Variants in OTUD7A observed in about 807,000 individuals in gnomAD.
The protein encoded by OTUD7A is OTU deubiquitinase 7A, also known as OTU domain-containing protein 7A.
Under a neutral mutation model 65.7 loss-of-function variants are expected in OTUD7A, and 12 were observed. The ratio of observed to expected loss-of-function variants is 0.18; its 90% CI spans 0.12 to 0.30. The LOEUF is 0.30. Among genes scored for constraint, OTUD7A ranks in the 10% least tolerant of loss-of-function variants. OTUD7A has a pLI of 1.00. For synonymous variants in OTUD7A, 641 were observed against 586.3 expected (o/e 1.09, Z -1.35); for missense variants, 1,148 against 1,304.8 (o/e 0.88, Z 1.85).
At chr15:31,703,049 G>T (rs142069854) in intron 1 of OTUD7A, among the ~76,000 whole-genome samples, 2,022 of 152,066 alleles carry the variant, frequency 0.013, 52 homozygotes, top group African/African-American at 0.046. Context: ...AAAAAAGAAA[G>T]AAAGAAAGAA....
chr15:31,678,925 A>G (rs1395308410), intron 1 of OTUD7A, among the ~76,000 whole-genome samples: 1 of 152,230 alleles, frequency 6.6e-6, no homozygotes, highest in African/African-American at 2.4e-5. Context: ...GAAAAGTCGC[A>G]GACACTCAAC....
chr15:31,832,848 T>C (rs747068549), intron 1 of OTUD7A, among the ~76,000 whole-genome samples: 1 of 152,218 alleles, frequency 6.6e-6, no homozygotes, highest in Non-Finnish European at 1.5e-5. Flanking sequence ...CATTCATAGA[T>C]TGAGGGTCAC....
intron 1 of OTUD7A, among the ~76,000 whole-genome samples, chr15:31,726,325 C>T (rs1212012106): frequency 1.5e-5 from 2 of 130,346 alleles, no homozygotes; most frequent in African/African-American, 2.9e-5. Flanking sequence ...CTCTGTCTCT[C>T]GAATTACACA....
At chr15:31,773,566 G>A (rs1359236464) in intron 1 of OTUD7A, among the ~76,000 whole-genome samples, 1 of 152,136 alleles carries the variant, frequency 6.6e-6, no homozygotes, top group African/African-American at 2.4e-5. Flanking sequence ...TCATCACCTT[G>A]GGAGTTAGGA....
chr15:31,606,542 T>C (rs1890244932), intron 3 of OTUD7A, among the ~76,000 whole-genome samples: 2 of 152,220 alleles, frequency 1.3e-5, no homozygotes, highest in African/African-American at 4.8e-5. Flanking sequence ...GTTCATGACG[T>C]TGAAAAAAAT....
chr15:31,816,721 T>A (rs1387132177), intron 1 of OTUD7A, among the ~76,000 whole-genome samples: 22 of 152,048 alleles, frequency 1.4e-4, no homozygotes, highest in African/African-American at 5.3e-4. Flanking sequence ...ATGTTAAACA[T>A]ACACTGAGAC....
At position 31,699,274 on chromosome 15, in the gene OTUD7A, T is replaced by C. The variant is rs548261398; in HGVS notation, c.-99-42197A>G. Among the ~76,000 whole-genome samples the C allele has an allele frequency of 1.6e-4, 25 of 152,136 alleles. No homozygotes were observed. The South Asian group carries it at 2.1e-3, about 13-fold the overall frequency. On this transcript the variant is annotated intron_variant, in intron 1 of 12. Transcript: ENST00000307050. ...TTTTGTAGTTTTAGTAGAGATGGGG[T>C]TTCACCGTGTTAGCCAGGATGGTCT...
At chr15:31,608,138 T>C (rs190940127) in intron 3 of OTUD7A, among the ~76,000 whole-genome samples, 29 of 152,200 alleles carry the variant, frequency 1.9e-4, no homozygotes, top group Admixed American at 5.2e-4. Context: ...TCCCAGCTAC[T>C]TGGGAGGCTG....
intron 5 of OTUD7A, among the ~76,000 whole-genome samples, chr15:31,541,136 C>G (rs1240683275): frequency 6.6e-6 from 1 of 152,108 alleles, no homozygotes; most frequent in East Asian, 1.9e-4. Context: ...GGGTAGACAT[C>G]TAAATACAGC....
At chr15:31,552,805 G>C (rs1347625624) in intron 5 of OTUD7A, among the ~76,000 whole-genome samples, 1 of 152,364 alleles carries the variant, frequency 6.6e-6, no homozygotes, top group East Asian at 1.9e-4. Context: ...CTGCCTGACT[G>C]ATGGGTGGAG....
chr15:31,623,052 A>G (rs1890843901), intron 3 of OTUD7A, among the ~76,000 whole-genome samples: 1 of 152,218 alleles, frequency 6.6e-6, no homozygotes, highest in Non-Finnish European at 1.5e-5. Context: ...TTGCCTGGGT[A>G]TCAGCAGCAG....
intron 1 of OTUD7A, chr15:31,767,113 T>C: frequency 1.3e-6 from 2 of 1,549,152 alleles, no homozygotes; most frequent in Admixed American, 3.7e-5. Flanking sequence ...ATCTGATTCT[T>C]CTTTATTTTT....
intron 12 of OTUD7A, among the ~76,000 whole-genome samples, chr15:31,486,600 G>A (rs1447405267): frequency 5.0e-5 from 3 of 60,434 alleles, no homozygotes; most frequent in Non-Finnish European, 1.0e-4. Flanking sequence ...GCAAGCAGGG[G>A]CAGCCCCGGA....
intron 1 of OTUD7A, among the ~76,000 whole-genome samples, chr15:31,729,840 C>T: frequency 6.6e-6 from 1 of 152,152 alleles, no homozygotes. Flanking sequence ...CTATCAGTTC[C>T]TTCTCTCTAC....
At chr15:31,788,616 C>G (rs527604038) in intron 1 of OTUD7A, among the ~76,000 whole-genome samples, 1 of 152,298 alleles carries the variant, frequency 6.6e-6, no homozygotes, top group East Asian at 1.9e-4. Flanking sequence ...TCCATAGTTG[C>G]AGGTGGGGAT....
chr15:31,753,922 T>C (rs1189727592), intron 1 of OTUD7A, among the ~76,000 whole-genome samples: 1 of 151,750 alleles, frequency 6.6e-6, no homozygotes, highest in African/African-American at 2.4e-5. Flanking sequence ...CTACTTTTAG[T>C]TCTTTAAGGA....
rs1451123468 is a variant in OTUD7A at position 31,484,949 on chromosome 15, C to T, written c.1372-225G>A. The stretch of plus-strand genomic sequence containing the variant: ...CTGCGGTAGTAAAAGGATGTAGGGA[C>T]CTCTTAACTGCGTGTGTCTTCTGGC... On this transcript the variant is annotated intron_variant, in intron 12 of 12. Transcript: ENST00000307050. The surrounding 1 kb of genome is among the most constrained non-coding windows in gnomAD (Gnocchi z 4.5). Among the ~76,000 whole-genome samples, 2 of 152,148 alleles carry T rather than the reference C, an allele frequency of 1.3e-5. No individual in the cohort carries two copies. The highest frequency in any genetic ancestry group is 2.1e-4 in the South Asian group (1 of 4,824).
chr15:31,766,598 T>G, intron 1 of OTUD7A: 1 of 1,610,970 alleles, frequency 6.2e-7, no homozygotes, highest in Admixed American at 1.7e-5. Context: ...TTTCAGCCAC[T>G]GGTGTATTGA....
At chr15:31,774,175 C>T (rs1895310668) in intron 1 of OTUD7A, among the ~76,000 whole-genome samples, 1 of 152,202 alleles carries the variant, frequency 6.6e-6, no homozygotes, top group Non-Finnish European at 1.5e-5. Context: ...GACGGCTGCT[C>T]AATGGTTTCC....
Sources: allele counts gnomAD v4.1 joint callset (sites outside exome capture counted in the v4.1 genomes callset), GRCh38; gene constraint gnomAD v4.1.1; non-coding constraint Gnocchi (gnomAD v3.1); transcripts MANE v1.5; gene names NCBI Gene and HGNC (gene_info 2026-07-23, HGNC 2026-07-21).